The following IFNAR1 variants were observed in gnomAD, a reference collection of about 807,000 sequenced individuals.
IFNAR1 encodes the protein interferon alpha and beta receptor subunit 1, also known as interferon alpha/beta receptor 1.
A neutral mutation model predicts 62.1 loss-of-function variants in IFNAR1; 47 were observed. The observed-to-expected ratio is 0.76, with a 90% CI of 0.60 to 0.97. IFNAR1 has a LOEUF of 0.97. IFNAR1 is among the 50% of genes least tolerant of loss of function. The pLI, the probability that IFNAR1 is intolerant of heterozygous loss-of-function variation, is 0.00. For missense variants in IFNAR1, 638 were observed against 654.5 expected (o/e 0.97, Z 0.27); for synonymous variants, 219 against 226.9 (o/e 0.97, Z 0.31).
intron 5 of IFNAR1, among the ~76,000 whole-genome samples, chr21:33,344,875 C>T (rs991525712): frequency 3.9e-5 from 6 of 152,078 alleles, no homozygotes; most frequent in Non-Finnish European, 5.9e-5. Flanking sequence ...GCAACCTCTG[C>T]CTCCCAGCTT....
chr21:33,330,319 T>A (rs141255788), intron 1 of IFNAR1, among the ~76,000 whole-genome samples: 1 of 152,138 alleles, frequency 6.6e-6, no homozygotes, highest in Non-Finnish European at 1.5e-5. Context: ...CCCTGCCCCA[T>A]GGATTTAAAG....
intron 6 of IFNAR1, among the ~76,000 whole-genome samples, chr21:33,347,041 C>T (rs1255909202): frequency 1.3e-5 from 2 of 152,038 alleles, no homozygotes; most frequent in Non-Finnish European, 2.9e-5. Flanking sequence ...CGCTCCCAAG[C>T]TCACATGTTG....
At chr21:33,342,212 C>T (rs1008328778) in intron 3 of IFNAR1, among the ~76,000 whole-genome samples, 1 of 151,794 alleles carries the variant, frequency 6.6e-6, no homozygotes, top group Non-Finnish European at 1.5e-5. Context: ...AGTTCAAGAC[C>T]AACCTAGGCA....
At chr21:33,338,774 GCT>G (rs1230124534) in intron 2 of IFNAR1, among the ~76,000 whole-genome samples, 3 of 148,624 alleles carry the variant, frequency 2.0e-5, no homozygotes, top group Non-Finnish European at 4.5e-5. Flanking sequence ...ACGGAGTCTT[GCT>G]CTGTTGCCCA....
rs1030693071 is a variant in IFNAR1, at chr21:33,335,667, G to A, written c.200+20G>A. The A allele has an allele frequency of 1.3e-6, 2 of 1,500,714 alleles. No individual in the cohort carries two copies. Among genetic ancestry groups the A allele is most frequent in the Non-Finnish European group, 1.8e-6 (2 of 1,119,398 alleles). The allele number at this position is 1,500,714 out of a possible 1,614,324, so 93.0% of individuals were successfully genotyped here. A position where few individuals can be genotyped will look rare whatever the true frequency, so the allele number is the denominator to read the frequency against. ...TCAAAAGTATGTGACTCTACTTACTGATTTGTCAGAATGACCTGAATAATT... is the reference window on the plus strand; with the variant it reads ...TCAAAAGTATGTGACTCTACTTACTAATTTGTCAGAATGACCTGAATAATT... On this transcript the variant is annotated intron_variant, in intron 2 of 10. Coordinates refer to ENST00000270139, the MANE Select transcript of IFNAR1 (RefSeq NM_000629.3).
intron 6 of IFNAR1, among the ~76,000 whole-genome samples, chr21:33,348,253 G>A (rs981220340): frequency 3.9e-5 from 6 of 152,134 alleles, no homozygotes; most frequent in Non-Finnish European, 7.4e-5. Flanking sequence ...TTTCCAGAAA[G>A]AAAAAGTCCT....
At chr21:33,343,494 T>C in intron 4 of IFNAR1, 41 bp from the exon 5 acceptor site, 1 of 1,549,496 alleles carries the variant, frequency 6.5e-7, no homozygotes, top group Non-Finnish European at 8.9e-7. Flanking sequence ...AAAATTTGAC[T>C]TTATACTTTT....
intron 10 of IFNAR1, among the ~76,000 whole-genome samples, 170 bp downstream of exon 10, chr21:33,353,953 G>T (rs1479396576): frequency 6.6e-6 from 1 of 152,198 alleles, no homozygotes; most frequent in Non-Finnish European, 1.5e-5. Context: ...GTAATTTCAT[G>T]TAATAACATA....
chr21:33,327,069 A>T (rs1019280372), intron 1 of IFNAR1, among the ~76,000 whole-genome samples: 2 of 152,266 alleles, frequency 1.3e-5, no homozygotes, highest in Admixed American at 6.5e-5. Context: ...GTGGTACATG[A>T]TATCCTATTT....
intron 5 of IFNAR1, among the ~76,000 whole-genome samples, chr21:33,344,763 T>C (rs548748229): frequency 7.8e-6 from 1 of 127,556 alleles, no homozygotes; most frequent in East Asian, 2.1e-4. Flanking sequence ...CTTTCTTTTT[T>C]ACTTATTTAT....
intron 2 of IFNAR1, among the ~76,000 whole-genome samples, chr21:33,340,138 T>C (rs1184984710): frequency 6.6e-6 from 1 of 151,920 alleles, no homozygotes; most frequent in Non-Finnish European, 1.5e-5. Context: ...TTCCAAAAAT[T>C]TATTTGTTTA....
At chr21:33,341,666 G>T (rs2083293543) in intron 3 of IFNAR1, among the ~76,000 whole-genome samples, 1 of 151,916 alleles carries the variant, frequency 6.6e-6, no homozygotes, top group African/African-American at 2.4e-5. Context: ...CATAAAATAG[G>T]TTTATCATTG....
At chr21:33,334,923 T>C in intron 1 of IFNAR1, 1 of 1,568,796 alleles carries the variant, frequency 6.4e-7, no homozygotes, top group Non-Finnish European at 8.8e-7. Flanking sequence ...CAGTGGGAGA[T>C]GGGGCAGGGG....
At chr21:33,347,053 TG>T (rs1289011706) in intron 6 of IFNAR1, among the ~76,000 whole-genome samples, 1 of 152,028 alleles carries the variant, frequency 6.6e-6, no homozygotes, top group African/African-American at 2.4e-5. Flanking sequence ...CACATGTTGT[TG>T]GCAGAATTTA....
chr21:33,355,450 A>G lies in IFNAR1; in HGVS notation c.1575A>G (p.Lys525=). 2 of 1,605,822 alleles carry G rather than the reference A, an allele frequency of 1.2e-6. No homozygotes were observed. The highest frequency in any genetic ancestry group is 1.7e-6 in the Non-Finnish European group (2 of 1,175,234). ...EETNQTDEDH[K]KYSSQTSQDS... is the part of the protein sequence containing the mutation. ...CTAATCAAACTGATGAAGATCATAA[A>G]AAATACAGTTCCCAAACTAGCCAAG... is the stretch of plus-strand genomic sequence containing the variant. The change falls in exon 11 of 11, where the codon AAA becomes AAG. Residue 525 remains lysine, a synonymous_variant. Coordinates refer to ENST00000270139, the MANE Select transcript of IFNAR1 (RefSeq NM_000629.3).
At chr21:33,341,246 T>G (rs2083290472) in intron 3 of IFNAR1, 72 bp downstream of exon 3, 1 of 1,188,960 alleles carries the variant, frequency 8.4e-7, no homozygotes, top group African/African-American at 1.5e-5. Flanking sequence ...TCCAAGCCAT[T>G]CATTTGCATG....
At chr21:33,341,592 GA>G (rs975516075) in intron 3 of IFNAR1, among the ~76,000 whole-genome samples, 69 of 151,330 alleles carry the variant, frequency 4.6e-4, no homozygotes, top group African/African-American at 1.6e-3. Context: ...AAAAGATTTG[GA>G]AAAAAAATGT....
At position 33,325,029 on chromosome 21, in the gene IFNAR1, A is replaced by C; in HGVS notation, c.-27A>C. The C allele has an allele frequency of 6.4e-7, 1 of 1,574,602 alleles. No individual in the cohort carries two copies. The stretch of plus-strand genomic sequence containing the variant: ...GGAGCTGCGCGTGCGCGAACATGTA[A>C]CTGGTGGGATCTGCGGCGGCTCCCA... On this transcript the variant is annotated 5_prime_UTR_variant, in exon 1 of 11. The change abolishes the stop of an existing upstream ORF in the 5' untranslated region. Coordinates refer to ENST00000270139, the MANE Select transcript of IFNAR1 (RefSeq NM_000629.3).
intron 2 of IFNAR1, among the ~76,000 whole-genome samples, chr21:33,337,686 C>CTGTATACATACATATACATACATTG (rs2083252274): frequency 1.7e-5 from 1 of 58,536 alleles, no homozygotes. Flanking sequence ...ATAATACATA[C>CTGTATACATACATATACATACATTG]TGTATACATA....
Sources: gnomAD v4.1 joint callset for allele counts (sites outside exome capture counted in the v4.1 genomes callset) on GRCh38, gnomAD v4.1.1 for gene constraint, MANE v1.5 for transcripts, NCBI Gene and HGNC (gene_info 2026-07-23, HGNC 2026-07-21) for gene names.